The following GRM5 variants were observed in gnomAD, a reference collection of about 807,000 sequenced individuals.
The protein encoded by GRM5 is metabotropic glutamate receptor 5.
In GRM5, 19 loss-of-function variants were observed where a neutral mutation model predicts 83.1. The observed-to-expected ratio is 0.23, with a 90% CI of 0.16 to 0.34. GRM5 has a LOEUF of 0.34. Among genes scored for constraint, GRM5 ranks in the 10% least tolerant of loss-of-function variants. GRM5 has a pLI of 1.00. For missense variants in GRM5, 1,160 were observed against 1,588.3 expected, an observed-to-expected ratio of 0.73 and a Z score of 4.58; for synonymous variants, 675 against 633.6, an observed-to-expected ratio of 1.07 and a Z score of -0.98.
chr11:88,517,957 T>C (rs955557006), intron 9 of GRM5, among the ~76,000 whole-genome samples: 3 of 152,092 alleles, frequency 2.0e-5, no homozygotes, highest in Non-Finnish European at 4.4e-5. Context: ...CAAAATGTTT[T>C]TCACAGGCAA....
intron 2 of GRM5, among the ~76,000 whole-genome samples, chr11:88,995,525 C>T (rs974577833): frequency 1.9e-5 from 2 of 103,444 alleles, no homozygotes; most frequent in African/African-American, 7.8e-5. Context: ...AGCCTGGCAA[C>T]AAGAGCGAGA....
At chr11:88,710,376 A>T (rs1591456998) in intron 3 of GRM5, among the ~76,000 whole-genome samples, 1 of 152,152 alleles carries the variant, frequency 6.6e-6, no homozygotes, top group African/African-American at 2.4e-5. Flanking sequence ...GTTGAGCAGC[A>T]TGCAGAACAG....
Position 88,797,782 on chromosome 11 carries a change from A to G in GRM5, c.911+52124T>C, listed in dbSNP as rs556965217. 5.7e-4 allele frequency among the ~76,000 whole-genome samples: 87 copies of G among 151,688 alleles called. 1 individual carries two copies. The South Asian group carries it at 0.017, about 29-fold the overall frequency. The stretch of plus-strand genomic sequence containing the variant: ...TTATTTCTATCTAGATTTTGAATAT[A>G]TTATTTACTGCATCCCTTTAAACAT... On this transcript the variant is annotated intron_variant, in intron 3 of 9. Transcript: ENST00000305447.
At chr11:88,695,292 A>C (rs2135365152) in intron 3 of GRM5, among the ~76,000 whole-genome samples, 1 of 152,342 alleles carries the variant, frequency 6.6e-6, no homozygotes, top group East Asian at 1.9e-4. Flanking sequence ...AGATGTTGAA[A>C]AAAAAAGATT....
intron 3 of GRM5, among the ~76,000 whole-genome samples, chr11:88,696,316 G>A (rs954901482): frequency 2.6e-5 from 4 of 152,022 alleles, no homozygotes; most frequent in South Asian, 4.1e-4. Flanking sequence ...TAGGGTTTCC[G>A]GTGTTTTATG....
intron 3 of GRM5, among the ~76,000 whole-genome samples, chr11:88,814,777 T>G (rs1943642285): frequency 6.6e-6 from 1 of 151,942 alleles, no homozygotes; most frequent in Non-Finnish European, 1.5e-5. Flanking sequence ...TACAGAATAG[T>G]GGGAAAAAAA....
chr11:88,562,829 A>C (rs1243878685), intron 8 of GRM5, among the ~76,000 whole-genome samples: 4 of 152,130 alleles, frequency 2.6e-5, no homozygotes, highest in Non-Finnish European at 5.9e-5. Flanking sequence ...ATATTCTCTT[A>C]TATTAGACAG....
At chr11:88,840,165 C>A (rs1342243922) in intron 3 of GRM5, among the ~76,000 whole-genome samples, 3 of 151,476 alleles carry the variant, frequency 2.0e-5, no homozygotes, top group African/African-American at 7.3e-5. Context: ...TTTTTCATTT[C>A]TCTAAAAATG....
intron 7 of GRM5, among the ~76,000 whole-genome samples, chr11:88,588,286 A>G (rs1418250437): frequency 6.6e-6 from 1 of 152,212 alleles, no homozygotes; most frequent in African/African-American, 2.4e-5. Context: ...GGCTCTTTCC[A>G]ACTTTAAAAA....
intron 2 of GRM5, among the ~76,000 whole-genome samples, chr11:88,851,978 A>T (rs1341845651): frequency 6.6e-6 from 1 of 152,200 alleles, no homozygotes; most frequent in South Asian, 2.1e-4. Context: ...GTAATCTATT[A>T]TTCTTTCATT....
intron 2 of GRM5, among the ~76,000 whole-genome samples, chr11:88,962,008 C>G (rs1427740881): frequency 6.6e-6 from 1 of 152,112 alleles, no homozygotes; most frequent in East Asian, 1.9e-4. Context: ...CAAAAACTTG[C>G]AAGGCATTTA....
chr11:88,610,345 C>T (rs1340170875), intron 4 of GRM5, among the ~76,000 whole-genome samples: 2 of 152,116 alleles, frequency 1.3e-5, no homozygotes, highest in African/African-American at 4.8e-5. Context: ...TCTTCCTGAC[C>T]ATGGGCATAG....
intron 2 of GRM5, among the ~76,000 whole-genome samples, chr11:88,981,628 C>T (rs934029479): frequency 5.3e-5 from 8 of 151,260 alleles, no homozygotes; most frequent in African/African-American, 1.7e-4. Context: ...TTCTCTACCC[C>T]CCACCTTGCC....
intron 2 of GRM5, among the ~76,000 whole-genome samples, chr11:88,986,931 T>C (rs1341704125): frequency 6.6e-6 from 1 of 151,992 alleles, no homozygotes; most frequent in Non-Finnish European, 1.5e-5. Flanking sequence ...CTCATGCCTG[T>C]AATCCCATCA....
intron 1 of GRM5, among the ~76,000 whole-genome samples, chr11:89,063,847 C>G (rs1289633412): frequency 6.6e-6 from 1 of 152,206 alleles, no homozygotes; most frequent in Non-Finnish European, 1.5e-5. Context: ...GGTAGACCAG[C>G]TCTGTCAACA....
At position 89,003,165 on chromosome 11, in the gene GRM5, T is replaced by G. The variant is rs369517913; in HGVS notation, c.661+44047A>C. Among the ~76,000 whole-genome samples the G allele has an allele frequency of 9.9e-4, 151 of 152,334 alleles. 4 individuals are homozygous for G. The South Asian group carries it at 0.031, about 31-fold the overall frequency. On this transcript the variant is annotated intron_variant, in intron 2 of 9. Coordinates refer to ENST00000305447, the MANE Select transcript of GRM5 (RefSeq NM_001143831.3). ...ATTTATAATGTACCAGGCATAATTC[T>G]AGCAGTGGAATCAACTACATGCTAC...
At chr11:89,053,198 G>T (rs972807538) in intron 1 of GRM5, among the ~76,000 whole-genome samples, 12 of 151,994 alleles carry the variant, frequency 7.9e-5, no homozygotes, top group African/African-American at 2.9e-4. Flanking sequence ...GACACAGAAG[G>T]TACAGTGTGT....
chr11:88,878,349 G>C (rs188925082), intron 2 of GRM5, among the ~76,000 whole-genome samples: 1 of 152,066 alleles, frequency 6.6e-6, no homozygotes, highest in Non-Finnish European at 1.5e-5. Flanking sequence ...ACATAGAGAG[G>C]AAACAGAGAA....
intron 3 of GRM5, among the ~76,000 whole-genome samples, chr11:88,661,079 G>A (rs1591420742): frequency 6.6e-6 from 1 of 152,222 alleles, no homozygotes; most frequent in South Asian, 2.1e-4. Flanking sequence ...GTAACATGAT[G>A]CTTTTAGTTT....
Sources: gnomAD v4.1 joint callset for allele counts (sites outside exome capture counted in the v4.1 genomes callset) on GRCh38, gnomAD v4.1.1 for gene constraint, MANE v1.5 for transcripts, NCBI Gene and HGNC (gene_info 2026-07-23, HGNC 2026-07-21) for gene names.